The following KCNIP1 variants were observed in gnomAD, a reference collection of about 807,000 sequenced individuals.
KCNIP1 encodes the protein potassium voltage-gated channel interacting protein 1.
In KCNIP1, 18 loss-of-function variants were observed where a neutral mutation model predicts 33.0. That is an observed-to-expected ratio of 0.55 (90% confidence interval 0.38 to 0.81). KCNIP1 has a LOEUF of 0.81. Ranked by LOEUF, KCNIP1 falls within the 30% of genes least tolerant of loss-of-function variation. The pLI, the probability that KCNIP1 is intolerant of heterozygous loss-of-function variation, is 0.00. For synonymous variants in KCNIP1, 93 were observed against 98.3 expected, an observed-to-expected ratio of 0.95 and a Z score of 0.32; for missense variants, 238 against 271.6, an observed-to-expected ratio of 0.88 and a Z score of 0.87.
At chr5:170,413,682 C>T (rs572429387) in intron 1 of KCNIP1, among the ~76,000 whole-genome samples, 2 of 152,086 alleles carry the variant, frequency 1.3e-5, no homozygotes, top group Non-Finnish European at 2.9e-5. Flanking sequence ...AAAATGGTCT[C>T]CTGACTGCGT....
Position 170,514,416 on chromosome 5 carries a change from C to G in KCNIP1, c.61+9783C>G, listed in dbSNP as rs532671762. 8.5e-4 allele frequency among the ~76,000 whole-genome samples: 130 copies of G among 152,320 alleles called. 3 individuals carry two copies. Among genetic ancestry groups the G allele is most frequent in the East Asian group, 9.7e-4 (5 of 5,176 alleles). On this transcript the variant is annotated intron_variant, in intron 1 of 7. Transcript: ENST00000328939. ...TCCCCACCCATCGAAATCAGGGCAG[C>G]AAGGGGCTCCCCTTGTCTTCTTCCC... is the stretch of plus-strand genomic sequence containing the variant.
chr5:170,684,702 C>T (rs977889862), intron 1 of KCNIP1, among the ~76,000 whole-genome samples: 4 of 152,194 alleles, frequency 2.6e-5, no homozygotes, highest in Non-Finnish European at 4.4e-5. Context: ...CCTCCTTCAT[C>T]CCTGGTCACT....
rs533778421 is a variant in KCNIP1 at position 170,485,230 on chromosome 5, G to A, written c.88+131266G>A. Among the ~76,000 whole-genome samples, 11 of 152,262 alleles carry A rather than the reference G, an allele frequency of 7.2e-5. No individual in the cohort carries two copies. In the East Asian group the frequency reaches 7.7e-4, roughly 11 times the overall value. ...GCCAGGATTATAGGTGTAAGCCACC[G>A]CACCCAGCCAGATCTAGGTCTTTCA... On this transcript the variant is annotated intron_variant, in intron 1 of 7. Coordinates refer to the KCNIP1 transcript ENST00000377360.
At chr5:170,708,490 T>G (rs973551348) in intron 1 of KCNIP1, among the ~76,000 whole-genome samples, 1 of 152,246 alleles carries the variant, frequency 6.6e-6, no homozygotes, top group African/African-American at 2.4e-5. Flanking sequence ...AATTTTCCCC[T>G]GGGTACAGCT....
intron 1 of KCNIP1, among the ~76,000 whole-genome samples, chr5:170,711,103 A>C (rs766164727): frequency 2.0e-5 from 3 of 152,238 alleles, no homozygotes; most frequent in Non-Finnish European, 4.4e-5. Flanking sequence ...TGAAAAATCT[A>C]AAGATCTGGA....
intron 1 of KCNIP1, among the ~76,000 whole-genome samples, chr5:170,390,244 G>A (rs1290668095): frequency 1.3e-5 from 2 of 152,044 alleles, no homozygotes; most frequent in East Asian, 1.9e-4. Context: ...AGTGGCCCAC[G>A]CCCATAATCC....
At chr5:170,652,498 A>AGGAAGGAAGGAAGG (rs59160659) in intron 1 of KCNIP1, among the ~76,000 whole-genome samples, 17 of 103,056 alleles carry the variant, frequency 1.6e-4, no homozygotes, top group African/African-American at 7.3e-4. Context: ...AAAAAAAAAA[A>AGGAAGGAAGGAAGG]AAGGAAGGAA....
At chr5:170,607,925 T>C (rs1368768765) in intron 1 of KCNIP1, among the ~76,000 whole-genome samples, 1 of 152,212 alleles carries the variant, frequency 6.6e-6, no homozygotes, top group East Asian at 1.9e-4. Context: ...CCAATATTCT[T>C]GGAGAATGAA....
chr5:170,608,744 C>T lies in KCNIP1; in HGVS notation c.61+104111C>T, dbSNP rs1357591376. Among the ~76,000 whole-genome samples the T allele has an allele frequency of 2.1e-5, 3 of 144,068 alleles. No homozygotes were observed. In the East Asian group the frequency reaches 6.0e-4, roughly 29 times the overall value. 94.5% of individuals were successfully genotyped at this position (144,068 alleles called of 152,430 possible). On this transcript the variant is annotated intron_variant, in intron 1 of 7. Transcript: ENST00000328939. ...CTGAGATGCACTCCAGCCTGGGCGACAGGGTGAAACTGTCTCAAAAAAAAA... is the reference window on the plus strand; with the variant it reads ...CTGAGATGCACTCCAGCCTGGGCGATAGGGTGAAACTGTCTCAAAAAAAAA...
At chr5:170,568,220 G>A (rs1218030812) in intron 1 of KCNIP1, among the ~76,000 whole-genome samples, 2 of 152,140 alleles carry the variant, frequency 1.3e-5, no homozygotes, top group Non-Finnish European at 2.9e-5. Flanking sequence ...GAGTGCTCTG[G>A]TGCATATCTG....
At chr5:170,518,790 C>G (rs1026018797) in intron 1 of KCNIP1, among the ~76,000 whole-genome samples, 2 of 152,182 alleles carry the variant, frequency 1.3e-5, no homozygotes, top group Non-Finnish European at 2.9e-5. Flanking sequence ...TACTGGGATT[C>G]TGTGCTAACT....
intron 1 of KCNIP1, among the ~76,000 whole-genome samples, chr5:170,699,976 G>A (rs1204200775): frequency 6.6e-6 from 1 of 152,126 alleles, no homozygotes; most frequent in African/African-American, 2.4e-5. Flanking sequence ...TATTTTCTTT[G>A]CTGTTGGCTG....
chr5:170,513,888 G>C (rs554283513), intron 1 of KCNIP1, among the ~76,000 whole-genome samples: 1 of 152,236 alleles, frequency 6.6e-6, no homozygotes, highest in African/African-American at 2.4e-5. Flanking sequence ...CTGTTGGTGG[G>C]GATCCCCCAA....
chr5:170,586,586 C>T (rs1561701584), intron 1 of KCNIP1, among the ~76,000 whole-genome samples: 1 of 152,206 alleles, frequency 6.6e-6, no homozygotes, highest in Non-Finnish European at 1.5e-5. Flanking sequence ...GGAAAGTTAC[C>T]TCATCTCTCT....
intron 1 of KCNIP1, among the ~76,000 whole-genome samples, chr5:170,444,710 A>AG (rs1050501022): frequency 3.9e-5 from 6 of 152,010 alleles, no homozygotes; most frequent in Non-Finnish European, 7.4e-5. Flanking sequence ...AAAAAAAAAA[A>AG]AAAACCTTCT....
intron 1 of KCNIP1, among the ~76,000 whole-genome samples, chr5:170,629,216 G>A (rs1275020358): frequency 1.3e-5 from 2 of 152,220 alleles, no homozygotes; most frequent in Non-Finnish European, 2.9e-5. Flanking sequence ...AGATGTAGGG[G>A]GCTGTAAGGG....
chr5:170,710,655 C>A (rs999918423), intron 1 of KCNIP1, among the ~76,000 whole-genome samples: 15 of 152,326 alleles, frequency 9.8e-5, no homozygotes, highest in African/African-American at 3.6e-4. Context: ...CTTGGTAGCT[C>A]TCCAAAGCCT....
chr5:170,483,578 G>A (rs978413207), intron 1 of KCNIP1, among the ~76,000 whole-genome samples: 3 of 152,130 alleles, frequency 2.0e-5, no homozygotes, highest in African/African-American at 4.8e-5. Flanking sequence ...AGATGGTTGG[G>A]ACAACTCTAC....
chr5:170,390,517 A>AAAAAAAAAAAATATATATATATATATAT, intron 1 of KCNIP1, among the ~76,000 whole-genome samples: 1 of 74,544 alleles, frequency 1.3e-5, no homozygotes, highest in African/African-American at 6.4e-5. Flanking sequence ...AAAAAAAACA[A>AAAAAAAAAAAATATATATATATATATAT]ATATATATAT....
Sources: gnomAD v4.1 joint callset for allele counts (sites outside exome capture counted in the v4.1 genomes callset) on GRCh38, gnomAD v4.1.1 for gene constraint, MANE v1.5 for transcripts, NCBI Gene and HGNC (gene_info 2026-07-23, HGNC 2026-07-21) for gene names.